The following CACNA1C variants were observed in gnomAD, a reference collection of about 807,000 sequenced individuals.
The protein encoded by CACNA1C is voltage-dependent L-type calcium channel subunit alpha-1C.
Under a neutral mutation model 229.0 loss-of-function variants are expected in CACNA1C, and 30 were observed. That is an observed-to-expected ratio of 0.13 (90% CI 0.10 to 0.18). CACNA1C has a LOEUF of 0.18. Among genes scored for constraint, CACNA1C ranks in the 10% least tolerant of loss-of-function variants. CACNA1C has a pLI of 1.00. For missense variants in CACNA1C, 1,658 were observed against 2,845.0 expected (o/e 0.58, Z 9.49); for synonymous variants, 1,114 against 1,132.5 (o/e 0.98, Z 0.33).
intron 5 of CACNA1C, among the ~76,000 whole-genome samples, chr12:2,464,627 T>A (rs887958658): frequency 2.0e-5 from 3 of 152,232 alleles, no homozygotes; most frequent in Admixed American, 6.5e-5. Context: ...GGACTTTTCG[T>A]GGGATACGTT....
intron 3 of CACNA1C, among the ~76,000 whole-genome samples, chr12:2,300,856 A>T (rs1456283283): frequency 6.6e-6 from 1 of 152,086 alleles, no homozygotes; most frequent in Non-Finnish European, 1.5e-5. Flanking sequence ...GTAGGGAGGG[A>T]TCTGGAGCAG....
At chr12:2,621,821 A>G (rs1429030786) in intron 29 of CACNA1C, among the ~76,000 whole-genome samples, 1 of 152,212 alleles carries the variant, frequency 6.6e-6, no homozygotes, top group African/African-American at 2.4e-5. Flanking sequence ...GGAAGAAACC[A>G]GTTTAAAGTG....
At chr12:2,273,586 A>G (rs374512624) in intron 3 of CACNA1C, among the ~76,000 whole-genome samples, 2 of 152,226 alleles carry the variant, frequency 1.3e-5, no homozygotes, top group Non-Finnish European at 2.9e-5. Flanking sequence ...GGGGAGAGGC[A>G]TGTGACCTTT....
At chr12:2,045,488 C>A (rs1204526534) in intron 1 of CACNA1C, among the ~76,000 whole-genome samples, 1 of 152,180 alleles carries the variant, frequency 6.6e-6, no homozygotes. Flanking sequence ...CATTCAATTT[C>A]TCTAATTAAA....
chr12:2,053,261 AATGGTGTAGCCGC>A lies in CACNA1C; in HGVS notation c.-301_-289del. The A allele has an allele frequency of 9.3e-7, 1 of 1,079,868 alleles. No homozygotes were observed. The highest frequency in any genetic ancestry group is 1.1e-6 in the Non-Finnish European group (1 of 891,368). The allele number at this position is 1,079,868 out of a possible 1,614,324, so 66.9% of individuals were successfully genotyped here. ...CTGCCTCTCCCGATTTATTTTTTCA[AATGGTGTAGCCGC>A]CGGAGGTGCGGTGCTCAGTTCTTGG... On this transcript the variant is annotated 5_prime_UTR_variant, in exon 1 of 47. It removes an upstream start codon present in the reference 5' UTR. Transcript: ENST00000399655. The surrounding 1 kb of genome is among the most constrained non-coding windows in gnomAD (Gnocchi z 5.8).
At chr12:2,544,919 T>A (rs1378127831) in intron 9 of CACNA1C, among the ~76,000 whole-genome samples, 3 of 152,164 alleles carry the variant, frequency 2.0e-5, no homozygotes, top group Admixed American at 1.3e-4. Context: ...GGCATTGCAG[T>A]TTTTGGTGCA....
intron 3 of CACNA1C, among the ~76,000 whole-genome samples, chr12:2,210,990 T>C (rs944221945): frequency 6.6e-6 from 1 of 152,204 alleles, no homozygotes; most frequent in African/African-American, 2.4e-5. Context: ...ATGGAGGAAC[T>C]ATCTCTTGGG....
Position 2,488,760 on chromosome 12 carries a change from T to A in CACNA1C, c.916+2498T>A, listed in dbSNP as rs771356968. Among the ~76,000 whole-genome samples the A allele has an allele frequency of 6.6e-6, 1 of 151,896 alleles. No homozygotes were observed. The highest frequency in any genetic ancestry group is 1.5e-5 in the Non-Finnish European group (1 of 67,970). On this transcript the variant is annotated intron_variant, in intron 6 of 46. Transcript: ENST00000399655. The surrounding 1 kb of genome is among the most constrained non-coding windows in gnomAD (Gnocchi z 4.0). ...AGGTGGCCTCACTCATTCGCTGGAGTCAGAGTCCCTGCTGGGAAGAGGGGC... is the reference window on the plus strand; with the variant it reads ...AGGTGGCCTCACTCATTCGCTGGAGACAGAGTCCCTGCTGGGAAGAGGGGC...
intron 3 of CACNA1C, among the ~76,000 whole-genome samples, chr12:2,251,018 G>A (rs1434004307): frequency 6.6e-6 from 1 of 152,196 alleles, no homozygotes; most frequent in Non-Finnish European, 1.5e-5. Flanking sequence ...GAGGGACAGT[G>A]TGTTCTGCGT....
At chr12:1,999,106 T>C (rs2041595576) in intron 1 of CACNA1C, among the ~76,000 whole-genome samples, 1 of 152,174 alleles carries the variant, frequency 6.6e-6, no homozygotes, top group African/African-American at 2.4e-5. Context: ...GGGAACTTAT[T>C]AGAAATGCAA....
intron 28 of CACNA1C, 53 bp from the exon 29 acceptor site, chr12:2,611,850 G>A: frequency 8.7e-7 from 1 of 1,152,160 alleles, no homozygotes; most frequent in Non-Finnish European, 1.3e-6. Flanking sequence ...AGGTGGGGAG[G>A]AGGAGCGACC....
At position 2,390,847 on chromosome 12, in the gene CACNA1C, G is replaced by A. The variant is rs574672359; in HGVS notation, c.478-58129G>A. 8.5e-5 allele frequency among the ~76,000 whole-genome samples: 13 copies of A among 152,294 alleles called. No homozygotes were observed. The East Asian group carries it at 1.2e-3, about 14-fold the overall frequency. On this transcript the variant is annotated intron_variant, in intron 3 of 46. Coordinates refer to ENST00000399655, the MANE Select transcript of CACNA1C (RefSeq NM_000719.7). Reference sequence around the variant, plus strand: ...CTGTGCATTTGTGATCTCTTTTTGCGTGAGTGCAAGGTCTGAAGTGGCCTG... The same window carrying A: ...CTGTGCATTTGTGATCTCTTTTTGCATGAGTGCAAGGTCTGAAGTGGCCTG...
At chr12:2,165,912 A>G (rs80010690) in intron 3 of CACNA1C, among the ~76,000 whole-genome samples, 1 of 152,356 alleles carries the variant, frequency 6.6e-6, no homozygotes, top group African/African-American at 2.4e-5. Context: ...AGAATTCCAG[A>G]AGATAAAGGA....
At position 2,493,175 on chromosome 12, in the gene CACNA1C, T is replaced by C. The variant is rs1025379904; in HGVS notation, c.917-15T>C. On this transcript the variant is annotated splice_polypyrimidine_tract_variant and intron_variant, in intron 6 of 46. Coordinates refer to ENST00000399655, the MANE Select transcript of CACNA1C (RefSeq NM_000719.7). The surrounding 1 kb of genome is among the most constrained non-coding windows in gnomAD (Gnocchi z 4.6). ...CCTGCTGCTCCCGTCTCCTGTCTTC[T>C]TCTGGCCATTTGAGATGTTCCAGCA... 8.7e-6 allele frequency: 14 copies of C among 1,611,818 alleles called. No individual in the cohort carries two copies. Among genetic ancestry groups the C allele is most frequent in the Non-Finnish European group, 1.2e-5 (14 of 1,178,166 alleles).
chr12:2,336,458 G>A (rs953930975), intron 3 of CACNA1C, among the ~76,000 whole-genome samples: 2 of 112,618 alleles, frequency 1.8e-5, no homozygotes, highest in African/African-American at 5.1e-5. Context: ...CAACTCTCTG[G>A]TATTGTGAAT....
rs1169158314 is a variant in CACNA1C, at chr12:2,438,287, A to ATGG, written c.478-10687_478-10686insGTG. 4.7e-3 allele frequency among the ~76,000 whole-genome samples: 106 copies of ATGG among 22,594 alleles called. 1 individual carries two copies. The East Asian group carries it at 0.068, about 14-fold the overall frequency. The allele number at this position is 22,594 out of a possible 152,430, so 14.8% of individuals were successfully genotyped here. A position where few individuals can be genotyped will look rare whatever the true frequency, so the allele number is the denominator to read the frequency against. ...GGTGGTGGTGGTAATGATAGTGGTA[A>ATGG]TGATGGTGGTGGTGGTGGTGGTGGT... On this transcript the variant is annotated intron_variant, in intron 3 of 46. Transcript: ENST00000399655.
intron 3 of CACNA1C, among the ~76,000 whole-genome samples, chr12:2,191,895 C>G (rs567554548): frequency 6.6e-6 from 1 of 150,646 alleles, no homozygotes; most frequent in East Asian, 1.9e-4. Flanking sequence ...CACACAGGCA[C>G]ACACATGCAC....
At chr12:2,116,522 C>A (rs909843808) in intron 2 of CACNA1C, among the ~76,000 whole-genome samples, 2 of 152,138 alleles carry the variant, frequency 1.3e-5, no homozygotes, top group Non-Finnish European at 2.9e-5. Flanking sequence ...CCCGCCACCA[C>A]GCTCGGCTAT....
Position 2,633,719 on chromosome 12 carries a change from A to G in CACNA1C, c.3829-578A>G. ...CATTCTCAGTGAGACTAATGTGAGT[A>G]TTACTCTGCCCTCCCCAGGAAACCT... On this transcript the variant is annotated intron_variant, in intron 29 of 46. Coordinates refer to ENST00000399655, the MANE Select transcript of CACNA1C (RefSeq NM_000719.7). The surrounding 1 kb of genome is among the most constrained non-coding windows in gnomAD (Gnocchi z 5.8). The G allele has an allele frequency of 6.6e-6, 10 of 1,525,834 alleles. No homozygotes were observed. Among genetic ancestry groups the G allele is most frequent in the Non-Finnish European group, 9.1e-6 (10 of 1,099,992 alleles). The allele number at this position is 1,525,834 out of a possible 1,614,324, so 94.5% of individuals were successfully genotyped here. A position where few individuals can be genotyped will look rare whatever the true frequency, so the allele number is the denominator to read the frequency against.
Sources: allele counts gnomAD v4.1 joint callset (sites outside exome capture counted in the v4.1 genomes callset), GRCh38; gene constraint gnomAD v4.1.1; non-coding constraint Gnocchi (gnomAD v3.1); transcripts MANE v1.5; gene names NCBI Gene and HGNC (gene_info 2026-07-23, HGNC 2026-07-21).